The following SLC35F4 variants were observed in gnomAD, a reference collection of about 807,000 sequenced individuals.
SLC35F4 encodes solute carrier family 35 member F4.
SLC35F4 carries 24 observed loss-of-function variants against 44.2 expected under a neutral mutation model. That is an observed-to-expected ratio of 0.54 (90% CI 0.39 to 0.76). The LOEUF (loss-of-function observed/expected upper bound fraction) is 0.76. Ranked by LOEUF, SLC35F4 falls within the 30% of genes least tolerant of loss-of-function variation. The pLI is 0.00. For synonymous variants in SLC35F4, 238 were observed against 223.6 expected, an observed-to-expected ratio of 1.06 and a Z score of -0.57; for missense variants, 562 against 586.1, an observed-to-expected ratio of 0.96 and a Z score of 0.42.
rs6573179 is a variant in SLC35F4, at chr14:57,924,694, G to A, written n.282+57219C>T. 0.023 allele frequency among the ~76,000 whole-genome samples: 3,447 copies of A among 152,110 alleles called. 423 individuals carry two copies. The East Asian group carries it at 0.39, about 17-fold the overall frequency. On this transcript the variant is annotated intron_variant and non_coding_transcript_variant, in intron 1 of 1. Transcript: ENST00000556568. ...GATCTCCTGACCTTGAGATCTGCCC[G>A]CCTCAGCCTCCCAAAGTGCTGGGAT...
rs17093943 is a variant in SLC35F4, at chr14:57,923,555, C to A, written n.282+58358G>T. 0.023 allele frequency among the ~76,000 whole-genome samples: 3,438 copies of A among 152,290 alleles called. 419 individuals are homozygous for A. The East Asian group carries it at 0.39, about 17-fold the overall frequency. ...GTCCCTGTCTCAACTTTCTTGAAAT[C>A]TATGAAGGAAATCCAAGTATAAATC... On this transcript the variant is annotated intron_variant and non_coding_transcript_variant, in intron 1 of 1. Coordinates refer to the SLC35F4 transcript ENST00000556568.
At chr14:57,607,605 C>T (rs2071238553) in intron 1 of SLC35F4, among the ~76,000 whole-genome samples, 3 of 152,224 alleles carry the variant, frequency 2.0e-5, no homozygotes, top group Admixed American at 6.5e-5. Context: ...CAAAGCCTAA[C>T]ACCAATCTCG....
chr14:57,678,305 A>G (rs1366593971), intron 1 of SLC35F4, among the ~76,000 whole-genome samples: 1 of 152,104 alleles, frequency 6.6e-6, no homozygotes, highest in African/African-American at 2.4e-5. Context: ...AAAATCCTTT[A>G]CAGACAAGGA....
chr14:57,651,516 G>A (rs1433910291), intron 1 of SLC35F4, among the ~76,000 whole-genome samples: 2 of 152,086 alleles, frequency 1.3e-5, no homozygotes, highest in South Asian at 2.1e-4. Flanking sequence ...CACAGATACC[G>A]AGAGTCCTCA....
chr14:57,702,149 G>T (rs1294348366), intron 1 of SLC35F4, among the ~76,000 whole-genome samples: 1 of 152,068 alleles, frequency 6.6e-6, no homozygotes, highest in Non-Finnish European at 1.5e-5. Context: ...ACCCTGGACT[G>T]GCATCACCCT....
chr14:57,595,422 CT>C (rs1374326372), intron 1 of SLC35F4, among the ~76,000 whole-genome samples: 5 of 152,006 alleles, frequency 3.3e-5, no homozygotes, highest in African/African-American at 1.2e-4. Context: ...TCTCCACTGT[CT>C]TTTTTTTCCC....
At chr14:57,618,979 C>T (rs555331855) in intron 1 of SLC35F4, among the ~76,000 whole-genome samples, 70 of 152,316 alleles carry the variant, frequency 4.6e-4, no homozygotes, top group Middle Eastern at 3.4e-3. Context: ...TGGGGCCACA[C>T]TGCCTCTCTA....
chr14:57,699,330 A>ATG (rs2075470930), intron 1 of SLC35F4, among the ~76,000 whole-genome samples: 1 of 152,174 alleles, frequency 6.6e-6, no homozygotes, highest in African/African-American at 2.4e-5. Flanking sequence ...AAGGTGATGA[A>ATG]TATGTCATGA....
chr14:57,625,602 C>CAT (rs2072434182), intron 1 of SLC35F4, among the ~76,000 whole-genome samples: 1 of 152,080 alleles, frequency 6.6e-6, no homozygotes, highest in Non-Finnish European at 1.5e-5. Flanking sequence ...CCAAAACAGA[C>CAT]ATATAGACCA....
chr14:57,571,920 A>G lies in SLC35F4; in HGVS notation c.907T>C (p.Ser303Pro). The G allele has an allele frequency of 6.2e-7, 1 of 1,612,780 alleles. No individual in the cohort carries two copies. Among genetic ancestry groups the G allele is most frequent in the Non-Finnish European group, 8.5e-7 (1 of 1,179,308 alleles). Residue 303 changes from serine to proline, a missense_variant, in exon 5 of 8, where the codon TCA becomes CCA. Physicochemically the swap from Ser to Pro is moderately conservative, Grantham distance 74. Coordinates refer to ENST00000556826, the MANE Select transcript of SLC35F4 (RefSeq NM_001306087.2). ...TTATATAATGCAGATGTAGAGGCTG[A>G]GCCCACCGCAAATGCCACTCCTATG... ...SIIGVAFAVG[S>P]ASTSALYKVL...
At chr14:57,882,677 G>T (rs1299500783) in intron 1 of SLC35F4, among the ~76,000 whole-genome samples, 2 of 152,062 alleles carry the variant, frequency 1.3e-5, no homozygotes, top group Non-Finnish European at 2.9e-5. Flanking sequence ...CCATTTTCTT[G>T]CTAAAGTGAT....
intron 1 of SLC35F4, among the ~76,000 whole-genome samples, chr14:57,760,822 A>G (rs2077106225): frequency 1.3e-5 from 2 of 152,164 alleles, no homozygotes; most frequent in African/African-American, 4.8e-5. Context: ...AGATACCAAT[A>G]ATCATGTAAG....
At chr14:57,925,517 G>A (rs1443773287) in intron 1 of SLC35F4, among the ~76,000 whole-genome samples, 3 of 105,434 alleles carry the variant, frequency 2.8e-5, no homozygotes, top group African/African-American at 1.1e-4. Context: ...GAGGGAGGGA[G>A]GGAGGGAGGG....
upstream of SLC35F4, among the ~76,000 whole-genome samples, chr14:57,870,189 G>A (rs78457138): frequency 6.8e-6 from 1 of 147,280 alleles, no homozygotes; most frequent in East Asian, 2.0e-4. Context: ...CCTCTCTCTC[G>A]GTCTGTTTTT....
chr14:57,572,980 C>T (rs2068590233), intron 4 of SLC35F4, among the ~76,000 whole-genome samples: 1 of 152,192 alleles, frequency 6.6e-6, no homozygotes. Context: ...AAATTTAAAC[C>T]TACATGGTGA....
chr14:57,737,763 G>A (rs767192524), intron 1 of SLC35F4, among the ~76,000 whole-genome samples: 2 of 152,212 alleles, frequency 1.3e-5, no homozygotes, highest in Admixed American at 6.5e-5. Context: ...CCAGCAGAAT[G>A]TGGCAGAGCA....
rs530719901 is a variant in SLC35F4, at chr14:57,653,832, A to G, written c.104-59708T>C. ...AAAGCACCATAAACGGAGTGACTTA[A>G]AACAACAGAAATGTATTGCCTCACA... On this transcript the variant is annotated intron_variant, in intron 1 of 7. Transcript: ENST00000556826. Among the ~76,000 whole-genome samples, 11 of 152,274 alleles carry G rather than the reference A, an allele frequency of 7.2e-5. No homozygotes were observed. The East Asian group carries it at 1.7e-3, about 24-fold the overall frequency.
chr14:57,642,351 A>T (rs180988578), intron 1 of SLC35F4, among the ~76,000 whole-genome samples: 2 of 152,124 alleles, frequency 1.3e-5, no homozygotes, highest in East Asian at 1.9e-4. Context: ...ACAACAAATT[A>T]ACTTGTGCTT....
rs568228513 is a variant in SLC35F4 at position 57,592,246 on chromosome 14, G to T, written c.289+1693C>A. On this transcript the variant is annotated intron_variant, in intron 2 of 7. Coordinates refer to ENST00000556826, the MANE Select transcript of SLC35F4 (RefSeq NM_001306087.2). ...TAAATCCTAGCCCTGCCATTGTATG[G>T]CATTGAGTACATTTTTAAATTCCTT... Among the ~76,000 whole-genome samples the T allele has an allele frequency of 1.1e-4, 16 of 152,318 alleles. No individual in the cohort carries two copies. The East Asian group carries it at 2.3e-3, about 22-fold the overall frequency.
Sources: allele counts gnomAD v4.1 joint callset (sites outside exome capture counted in the v4.1 genomes callset), GRCh38; gene constraint gnomAD v4.1.1; transcripts MANE v1.5; gene names NCBI Gene and HGNC (gene_info 2026-07-23, HGNC 2026-07-21).